NAA35: variants seen among roughly 807,000 people sequenced by gnomAD.
NAA35 encodes the protein N-alpha-acetyltransferase 35, NatC auxiliary subunit.
In NAA35, 18 loss-of-function variants were observed where a neutral mutation model predicts 101.7. That is an observed-to-expected ratio of 0.18 (90% confidence interval 0.12 to 0.26). The LOEUF is 0.26. NAA35 is among the 10% of genes least tolerant of loss of function. NAA35 has a pLI of 1.00. For synonymous variants in NAA35, 267 were observed against 273.1 expected (o/e 0.98, Z 0.22); for missense variants, 601 against 886.8 (o/e 0.68, Z 4.09).
At chr9:86,000,067 G>T (rs1238996772) in intron 12 of NAA35, among the ~76,000 whole-genome samples, 4 of 151,998 alleles carry the variant, frequency 2.6e-5, no homozygotes, top group Non-Finnish European at 5.9e-5. Flanking sequence ...TTTGAGGTGT[G>T]GTCCTTCAAT....
intron 13 of NAA35, among the ~76,000 whole-genome samples, chr9:86,004,486 A>AAAG (rs1491002082): frequency 1.2e-4 from 18 of 152,194 alleles, no homozygotes; most frequent in African/African-American, 3.4e-4. Flanking sequence ...TCAAAAAAAA[A>AAAG]AAGTCTACGG....
At chr9:85,952,457 G>A (rs764248143) in intron 2 of NAA35, among the ~76,000 whole-genome samples, 42 of 151,792 alleles carry the variant, frequency 2.8e-4, no homozygotes, top group Non-Finnish European at 5.3e-4. Flanking sequence ...AGCTAATTTT[G>A]TATTTTTAGT....
rs773034839 is a variant in NAA35, at chr9:86,024,741, T to G, written c.*2781T>G. On this transcript the variant is annotated 3_prime_UTR_variant, in exon 23 of 23. Transcript: ENST00000361671. Reference sequence around the variant, plus strand: ...ATCTAGGCAAGGTAGGAGACCAGGTTTGGGATAAAGATTGCTTTAGACATT... The same window carrying G: ...ATCTAGGCAAGGTAGGAGACCAGGTGTGGGATAAAGATTGCTTTAGACATT... 2.7e-5 allele frequency among the ~76,000 whole-genome samples: 4 copies of G among 149,528 alleles called. No homozygotes were observed. The highest frequency in any genetic ancestry group is 6.0e-5 in the Non-Finnish European group (4 of 67,110).
intron 2 of NAA35, among the ~76,000 whole-genome samples, chr9:85,945,502 G>A (rs1275654357): frequency 1.3e-5 from 2 of 151,462 alleles, no homozygotes; most frequent in Non-Finnish European, 2.9e-5. Flanking sequence ...CCTTTGGTAA[G>A]AATGTAATGG....
At chr9:85,966,675 G>T in intron 6 of NAA35, 1 of 1,272,852 alleles carries the variant, frequency 7.9e-7, no homozygotes, top group South Asian at 1.3e-5. Context: ...AAGGAATGCA[G>T]TAAGTTGACA....
At chr9:85,950,890 A>G (rs55715318) in intron 2 of NAA35, among the ~76,000 whole-genome samples, 8,284 of 152,218 alleles carry the variant, frequency 0.054, 272 homozygotes, top group Middle Eastern at 0.12. Flanking sequence ...TAATCCTAGC[A>G]CTTTGGGAGG....
rs1455793098 is a variant in NAA35 at position 86,023,056 on chromosome 9, T to C, written c.*1096T>C. The stretch of plus-strand genomic sequence containing the variant: ...TTTGGTACCTTTCATAAAAACATGA[T>C]AGTATAGTGAAACTTTTCTGGCAGT... On this transcript the variant is annotated 3_prime_UTR_variant, in exon 23 of 23. Coordinates refer to ENST00000361671, the MANE Select transcript of NAA35 (RefSeq NM_024635.4). Among the ~76,000 whole-genome samples the C allele has an allele frequency of 3.3e-5, 5 of 152,190 alleles. No individual in the cohort carries two copies. The South Asian group carries it at 6.2e-4, about 19-fold the overall frequency.
intron 12 of NAA35, among the ~76,000 whole-genome samples, 192 bp downstream of exon 12, chr9:85,996,769 A>G (rs143024644): frequency 9.2e-5 from 14 of 152,318 alleles, no homozygotes; most frequent in Non-Finnish European, 2.1e-4. Context: ...GTTCATAAAT[A>G]CTATACATAC....
intron 2 of NAA35, among the ~76,000 whole-genome samples, chr9:85,942,550 A>C (rs1462256842): frequency 6.6e-6 from 1 of 152,240 alleles, no homozygotes; most frequent in African/African-American, 2.4e-5. Flanking sequence ...CTAACTGTGG[A>C]AAACACTTTG....
At chr9:85,975,246 T>G (rs1350506045) in intron 8 of NAA35, 89 bp downstream of exon 8, 9 of 1,315,678 alleles carry the variant, frequency 6.8e-6, no homozygotes, top group Non-Finnish European at 9.6e-6. Flanking sequence ...TAGAACCACC[T>G]TTCTCCTGTA....
At chr9:86,009,269 C>T (rs1331736196) in intron 14 of NAA35, among the ~76,000 whole-genome samples, 2 of 152,178 alleles carry the variant, frequency 1.3e-5, no homozygotes, top group Non-Finnish European at 2.9e-5. Flanking sequence ...CTTCCCATTT[C>T]ACCAACTGCC....
chr9:85,994,640 C>G (rs1047283035), intron 11 of NAA35, among the ~76,000 whole-genome samples: 2 of 152,174 alleles, frequency 1.3e-5, no homozygotes, highest in Non-Finnish European at 2.9e-5. Context: ...TTGACTAATA[C>G]ATTTCCAGAT....
chr9:86,020,858 A>G, intron 21 of NAA35, 31 bp from the exon 22 acceptor site: 2 of 1,528,600 alleles, frequency 1.3e-6, no homozygotes, highest in Non-Finnish European at 1.8e-6. Context: ...TATGAAGTTA[A>G]TGTTTCAGTA....
intron 14 of NAA35, 129 bp downstream of exon 14, chr9:86,007,593 T>C (rs1831704824): frequency 1.7e-6 from 1 of 596,146 alleles, no homozygotes; most frequent in Non-Finnish European, 2.9e-6. Flanking sequence ...AACTTAATAG[T>C]GTTAAAATTA....
intron 2 of NAA35, among the ~76,000 whole-genome samples, chr9:85,954,096 T>A (rs1261773451): frequency 6.6e-6 from 1 of 152,170 alleles, no homozygotes; most frequent in Non-Finnish European, 1.5e-5. Flanking sequence ...TTTTTTGTGT[T>A]TAGAGACAGG....
At chr9:85,949,690 C>G (rs923850362) in intron 2 of NAA35, among the ~76,000 whole-genome samples, 2 of 151,954 alleles carry the variant, frequency 1.3e-5, no homozygotes, top group Non-Finnish European at 2.9e-5. Flanking sequence ...AACTTTGAAT[C>G]ATTACAACTA....
chr9:85,962,768 G>T (rs1829577661), intron 6 of NAA35, among the ~76,000 whole-genome samples: 1 of 152,070 alleles, frequency 6.6e-6, no homozygotes, highest in Non-Finnish European at 1.5e-5. Flanking sequence ...GATGTTGTGG[G>T]GATTCCCAGA....
chr9:85,996,401 C>G lies in NAA35; in HGVS notation c.880C>G (p.His294Asp), dbSNP rs755639844. ...QAQNDTTKGDHPIMMGFEPLV... is the reference protein window; with the variant it reads ...QAQNDTTKGDDPIMMGFEPLV... ...TACTTTCATTTTTTTCTTTTTAGAT[C>G]ATCCAATTATGATGGGTTTTGAACC... The change falls in exon 12 of 23, where the codon CAT becomes GAT. Residue 294 changes from histidine (H) to aspartate (D), a missense_variant and splice_region_variant. Transcript: ENST00000361671. 6.4e-7 allele frequency: 1 copy of G among 1,557,146 alleles called. No homozygotes were observed. The highest frequency in any genetic ancestry group is 2.3e-5 in the Admixed American group (1 of 44,110).
intron 5 of NAA35, 111 bp from the exon 6 acceptor site, chr9:85,961,902 T>C (rs757036892): frequency 2.9e-6 from 2 of 682,510 alleles, no homozygotes; most frequent in Non-Finnish European, 4.5e-6. Flanking sequence ...TTAAGTCTTG[T>C]GATTAATCTT....
Sources: gnomAD v4.1 joint callset for allele counts (sites outside exome capture counted in the v4.1 genomes callset) on GRCh38, gnomAD v4.1.1 for gene constraint, MANE v1.5 for transcripts, NCBI Gene and HGNC (gene_info 2026-07-23, HGNC 2026-07-21) for gene names.